Variants in LARP7 observed in about 807,000 individuals in gnomAD.
LARP7 encodes la-related protein 7.
LARP7 carries 52 observed loss-of-function variants against 69.3 expected under a neutral mutation model. The observed-to-expected ratio is 0.75, with a 90% CI of 0.60 to 0.95. LARP7 has a LOEUF of 0.95. Ranked by LOEUF, LARP7 falls within the 40% of genes least tolerant of loss-of-function variation. LARP7 has a pLI of 0.00. For synonymous variants in LARP7, 254 were observed against 215.9 expected (o/e 1.18, Z -1.55); for missense variants, 733 against 673.0 (o/e 1.09, Z -0.99).
chr4:112,646,005 G>GTC (rs1554010868), intron 2 of LARP7, among the ~76,000 whole-genome samples: 1 of 150,694 alleles, frequency 6.6e-6, no homozygotes, highest in African/African-American at 2.4e-5. Context: ...GTTTTTTTTT[G>GTC]TTTGTTTTGT....
chr4:112,647,221 G>C lies in LARP7; in HGVS notation c.669G>C (p.Lys223Asn). 6.3e-7 allele frequency: 1 copy of C among 1,593,518 alleles called. No individual in the cohort carries two copies. Among genetic ancestry groups the C allele is most frequent in the East Asian group, 2.2e-5 (1 of 44,720 alleles). The part of the protein sequence containing the change: ...RVVEEKKKKK[K>N]KKGRMKKEDN... ...CAGAAGAGAAGAAAAAGAAAAAGAA[G>C]AAGAAAGGCCGAATGAAAAAGGAAG... Residue 223 changes from lysine (K) to asparagine (N), a missense_variant, in exon 7 of 13, where the codon AAG (lysine) becomes AAC (asparagine). Transcript: ENST00000344442.
At chr4:112,649,187 A>C (rs1341316129) in intron 8 of LARP7, among the ~76,000 whole-genome samples, 1 of 152,212 alleles carries the variant, frequency 6.6e-6, no homozygotes. Flanking sequence ...GCAGTTTAAC[A>C]AATCTTTAAT....
At chr4:112,642,441 T>G (rs1214840349) in intron 1 of LARP7, among the ~76,000 whole-genome samples, 3 of 152,226 alleles carry the variant, frequency 2.0e-5, no homozygotes, top group African/African-American at 7.2e-5. Context: ...TTGATGAGAA[T>G]GCATGTTTAG....
Position 112,652,297 on chromosome 4 carries a change from C to G in LARP7, c.1417-780C>G, listed in dbSNP as rs551194453. 3.5e-3 allele frequency among the ~76,000 whole-genome samples: 473 copies of G among 133,726 alleles called. 18 individuals carry two copies. Among genetic ancestry groups the G allele is most frequent in the South Asian group, 0.014 (53 of 3,702 alleles). 87.7% of individuals were successfully genotyped at this position (133,726 alleles called of 152,430 possible). A position where few individuals can be genotyped will look rare whatever the true frequency, so the allele number is the denominator to read the frequency against. ...GGAGGCAAGATAAATAAGATTTCCCCCCCCCCCCCATTTAGCAATCTCCAG... is the reference window on the plus strand; with the variant it reads ...GGAGGCAAGATAAATAAGATTTCCCGCCCCCCCCCATTTAGCAATCTCCAG... On this transcript the variant is annotated intron_variant, in intron 10 of 12. Coordinates refer to ENST00000344442, the MANE Select transcript of LARP7 (RefSeq NM_016648.4).
chr4:112,653,132 C>T lies in LARP7; in HGVS notation c.1472C>T (p.Thr491Ile). The part of the protein sequence containing the change: ...VLYVDLLEGD[T>I]ECHARFKTPE... ...TATGTTGATTTGCTAGAAGGGGATACAGAATGCCATGCTAGATTTAAAACT... is the reference window on the plus strand; with the variant it reads ...TATGTTGATTTGCTAGAAGGGGATATAGAATGCCATGCTAGATTTAAAACT... The change falls in exon 11 of 13, where the codon ACA becomes ATA. Residue 491 changes from threonine to isoleucine, a missense_variant. Coordinates refer to ENST00000344442, the MANE Select transcript of LARP7 (RefSeq NM_016648.4). 6.2e-7 allele frequency: 1 copy of T among 1,609,576 alleles called. No individual in the cohort carries two copies. Among genetic ancestry groups the T allele is most frequent in the Non-Finnish European group, 8.5e-7 (1 of 1,177,994 alleles).
rs1356327834 is a variant in LARP7, at chr4:112,657,387, T to G, written c.*60T>G. ...GATACTTGAGCTGTTCTTGGGAGAT[T>G]CACTTTTATTATGGTAGCACTGCAT... On this transcript the variant is annotated 3_prime_UTR_variant, in exon 13 of 13. Coordinates refer to ENST00000344442, the MANE Select transcript of LARP7 (RefSeq NM_016648.4). 1.9e-5 allele frequency: 15 copies of G among 781,816 alleles called. No individual in the cohort carries two copies. Among genetic ancestry groups the G allele is most frequent in the Non-Finnish European group, 2.9e-5 (15 of 508,638 alleles). 48.4% of individuals were successfully genotyped at this position (781,816 alleles called of 1,614,324 possible).
chr4:112,646,409 G>A lies in LARP7; in HGVS notation c.261G>A (p.Gly87=), dbSNP rs377696889. The A allele has an allele frequency of 2.5e-6, 4 of 1,605,524 alleles. No individual in the cohort carries two copies. The highest frequency in any genetic ancestry group is 3.4e-6 in the Non-Finnish European group (4 of 1,173,382). The change falls in exon 3 of 13, where the codon GGG becomes GGA. Residue 87 remains glycine (G), a synonymous_variant. Transcript: ENST00000344442. ...FNKMKKLTTD[G]KLIARALRSS... Reference sequence around the variant, plus strand: ...AAATGAAAAAATTGACTACTGATGGGAAGTTAATTGCCAGAGCATTGAGAA... The same window carrying A: ...AAATGAAAAAATTGACTACTGATGGAAAGTTAATTGCCAGAGCATTGAGAA...
chr4:112,654,294 TTAGGTTGGGAGGG>T (rs2048873415), intron 12 of LARP7, 135 bp downstream of exon 12: 1 of 543,804 alleles, frequency 1.8e-6, no homozygotes, highest in Non-Finnish European at 3.3e-6. Flanking sequence ...ATACTATGTT[TTAGGTTGGGAGGG>T]AAAAGTCATT....
At chr4:112,647,573 G>A (rs1560935336) in intron 7 of LARP7, 24 bp downstream of exon 7, 1 of 1,363,984 alleles carries the variant, frequency 7.3e-7, no homozygotes, top group Non-Finnish European at 1.0e-6. Context: ...GTTTTAATTA[G>A]ATAAAACTAA....
Position 112,646,344 on chromosome 4 carries a change from T to C in LARP7, c.203-7T>C. 7.5e-7 allele frequency: 1 copy of C among 1,330,338 alleles called. No individual in the cohort carries two copies. Among genetic ancestry groups the C allele is most frequent in the Non-Finnish European group, 1.1e-6 (1 of 934,342 alleles). The allele number at this position is 1,330,338 out of a possible 1,614,324, so 82.4% of individuals were successfully genotyped here. The stretch of plus-strand genomic sequence containing the variant: ...CACTAACATATTAACTTTTTCATTT[T>C]CTTTAGATGTTGATATATCACTACT... On this transcript the variant is annotated splice_region_variant and splice_polypyrimidine_tract_variant and intron_variant, in intron 2 of 12. Coordinates refer to ENST00000344442, the MANE Select transcript of LARP7 (RefSeq NM_016648.4).
intron 9 of LARP7, 42 bp from the exon 10 acceptor site, chr4:112,650,419 G>T: frequency 6.2e-7 from 1 of 1,606,120 alleles, no homozygotes; most frequent in Non-Finnish European, 8.5e-7. Flanking sequence ...TTGTTGTTAA[G>T]TGTAAGAGAT....
In LARP7 at chr4:112,645,633, C is replaced by T. The variant is rs79904481; in HGVS notation, c.203-718C>T. On this transcript the variant is annotated intron_variant, in intron 2 of 12. Coordinates refer to ENST00000344442, the MANE Select transcript of LARP7 (RefSeq NM_016648.4). ...CCTCAGCCCCACCCAAGCGATCCTC[C>T]ATCAGCCTCCCCAGTAGCTGAGAAC... The T allele has an allele frequency of 7.7e-4, 351 of 455,260 alleles. 1 individual carries two copies. Among genetic ancestry groups the T allele is most frequent in the African/African-American group, 6.2e-3 (309 of 49,804 alleles). 28.2% of individuals were successfully genotyped at this position (455,260 alleles called of 1,614,324 possible). A position where few individuals can be genotyped will look rare whatever the true frequency, so the allele number is the denominator to read the frequency against.
intron 2 of LARP7, 35 bp from the exon 3 acceptor site, chr4:112,646,316 A>T: frequency 9.5e-7 from 1 of 1,057,352 alleles, no homozygotes; most frequent in South Asian, 1.4e-5. Flanking sequence ...AATCCTGCTG[A>T]TACACTAACA....
At chr4:112,647,895 A>G in intron 8 of LARP7, 61 bp downstream of exon 8, 1 of 1,191,220 alleles carries the variant, frequency 8.4e-7, no homozygotes, top group South Asian at 1.2e-5. Flanking sequence ...GCTAAAGTGC[A>G]ATTCCAATTT....
chr4:112,646,237 T>C lies in LARP7; in HGVS notation c.203-114T>C, dbSNP rs895281857. 2.0e-5 allele frequency: 11 copies of C among 537,322 alleles called. No homozygotes were observed. In the East Asian group the frequency reaches 2.1e-4, roughly 10 times the overall value. 33.3% of individuals were successfully genotyped at this position (537,322 alleles called of 1,614,324 possible). A position where few individuals can be genotyped will look rare whatever the true frequency, so the allele number is the denominator to read the frequency against. ...CACCCGCCTTGGCCTCCCAAAGTAC[T>C]AGGATTACAGGCATGAGCCACCGAG... On this transcript the variant is annotated intron_variant, in intron 2 of 12. Transcript: ENST00000344442.
At chr4:112,645,168 A>C (rs1370005669) in intron 2 of LARP7, among the ~76,000 whole-genome samples, 1 of 151,910 alleles carries the variant, frequency 6.6e-6, no homozygotes, top group Non-Finnish European at 1.5e-5. Context: ...GCTGGTCTCG[A>C]ACTCCTGACC....
chr4:112,650,622 C>T (rs1034598794), intron 10 of LARP7, 40 bp downstream of exon 10: 3 of 1,566,720 alleles, frequency 1.9e-6, no homozygotes, highest in Admixed American at 2.0e-5. Context: ...TTCCTTTCTT[C>T]TCTTATTATT....
rs778523609 is a variant in LARP7, at chr4:112,647,211, A to G, written c.659A>G (p.Lys220Arg). 1 of 1,589,050 alleles carries G rather than the reference A, an allele frequency of 6.3e-7. No individual in the cohort carries two copies. Among genetic ancestry groups the G allele is most frequent in the Non-Finnish European group, 8.5e-7 (1 of 1,173,238 alleles). Residue 220 changes from lysine to arginine, a missense_variant, in exon 7 of 13, where the codon AAG becomes AGG. By Grantham distance (26) the Lys-to-Arg change is conservative. Coordinates refer to ENST00000344442, the MANE Select transcript of LARP7 (RefSeq NM_016648.4). ...PALRVVEEKKKKKKKKGRMKK... is the reference protein window; with the variant it reads ...PALRVVEEKKRKKKKKGRMKK... ...GGCACTTTTACAGAAGAGAAGAAAA[A>G]GAAAAAGAAGAAGAAAGGCCGAATG...
At chr4:112,651,258 G>C (rs1428316846) in intron 10 of LARP7, among the ~76,000 whole-genome samples, 1 of 151,920 alleles carries the variant, frequency 6.6e-6, no homozygotes, top group African/African-American at 2.4e-5. Context: ...ATGTTGTTTT[G>C]GTTTTACGTA....
Sources: gnomAD v4.1 joint callset for allele counts (sites outside exome capture counted in the v4.1 genomes callset) on GRCh38, gnomAD v4.1.1 for gene constraint, MANE v1.5 for transcripts, NCBI Gene and HGNC (gene_info 2026-07-23, HGNC 2026-07-21) for gene names.